The following EIF4G1 variants were observed in gnomAD, a reference collection of about 807,000 sequenced individuals.
The protein encoded by EIF4G1 is eukaryotic translation initiation factor 4 gamma 1.
A neutral mutation model predicts 187.8 loss-of-function variants in EIF4G1; 4 were observed. The observed-to-expected ratio is 0.02, with a 90% confidence interval of 0.01 to 0.05. EIF4G1 has a LOEUF of 0.05. Ranked by LOEUF, EIF4G1 falls within the 10% of genes least tolerant of loss-of-function variation. The pLI is 1.00. For synonymous variants in EIF4G1, 844 were observed against 781.4 expected (o/e 1.08, Z -1.34); for missense variants, 1,647 against 2,081.1 (o/e 0.79, Z 4.06).
Position 184,328,003 on chromosome 3 carries a change from G to GTA in EIF4G1, c.3953+3_3953+4dup. On this transcript the variant is annotated splice_donor_variant, in intron 26 of 32. Coordinates refer to ENST00000346169, the MANE Select transcript of EIF4G1 (RefSeq NM_198241.3). LOFTEE classifies it high-confidence loss of function. The stretch of plus-strand genomic sequence containing the variant: ...TGTCTACTGCTCAGTACTACCAAGG[G>GTA]TATGACCAGCTTCTCTGGGCCTCCC... 1 of 1,604,498 alleles carries GTA rather than the reference G, an allele frequency of 6.2e-7. No individual in the cohort carries two copies. Among genetic ancestry groups the GTA allele is most frequent in the Non-Finnish European group, 8.5e-7 (1 of 1,179,944 alleles).
In EIF4G1 at chr3:184,325,296, A is replaced by G. The variant is rs766132108; in HGVS notation, c.2884A>G (p.Met962Val). ...CCGAATGGATCAGTATTTCAACCAGATGGAAAAAATCATTAAAGAAAAGAA... is the reference window on the plus strand; with the variant it reads ...CCGAATGGATCAGTATTTCAACCAGGTGGAAAAAATCATTAAAGAAAAGAA... Reference protein sequence around the residue: ...KPRMDQYFNQMEKIIKEKKTS... With the variant: ...KPRMDQYFNQVEKIIKEKKTS... Residue 962 changes from methionine (M) to valine (V), a missense_variant, in exon 19 of 33, where the codon ATG becomes GTG. Around this residue, in one of 11 missense-constraint regions of EIF4G1, gnomAD observed 142 missense variants for 296.6 expected, o/e 0.48. Coordinates refer to ENST00000346169, the MANE Select transcript of EIF4G1 (RefSeq NM_198241.3). The surrounding 1 kb of genome is among the most constrained non-coding windows in gnomAD (Gnocchi z 5.2). The G allele has an allele frequency of 3.1e-6, 5 of 1,614,136 alleles. No homozygotes were observed. The highest frequency in any genetic ancestry group is 4.2e-6 in the Non-Finnish European group (5 of 1,180,040).
At chr3:184,316,730 G>T (rs766873342) in intron 4 of EIF4G1, 1 of 1,595,946 alleles carries the variant, frequency 6.3e-7, no homozygotes, top group Non-Finnish European at 8.5e-7. Flanking sequence ...TCAGGTCTCT[G>T]CAGGTAATAT....
chr3:184,321,784 T>C lies in EIF4G1; in HGVS notation c.1200T>C (p.Pro400=). 1.2e-5 allele frequency: 19 copies of C among 1,611,894 alleles called. No homozygotes were observed. The highest frequency in any genetic ancestry group is 1.5e-5 in the Non-Finnish European group (18 of 1,178,242). Residue 400 remains proline (P), a synonymous_variant, in exon 10 of 33, where the codon CCT becomes CCC. Transcript: ENST00000346169. ...TGCCCATTGCTCCAACTGCCCAACC[T>C]GAGGAACTGCTCAACGGAGCCCCCT... ...SPVPIAPTAQ[P]EELLNGAPSP...
chr3:184,325,202 G>T lies in EIF4G1; in HGVS notation c.2857-67G>T. ...AATGATGGGGCGGAAGGCCTGAGGA[G>T]GGGTGGGGCCTGCAGTTATAGGTGG... On this transcript the variant is annotated intron_variant, in intron 18 of 32. Transcript: ENST00000346169. This position sits in a 1 kb window ranked among gnomAD's most constrained non-coding sequence, Gnocchi z 5.2. 6.2e-7 allele frequency: 1 copy of T among 1,605,074 alleles called. No individual in the cohort carries two copies. Among genetic ancestry groups the T allele is most frequent in the Non-Finnish European group, 8.5e-7 (1 of 1,171,920 alleles).
intron 28 of EIF4G1, 40 bp downstream of exon 28, chr3:184,329,030 G>A: frequency 1.2e-6 from 2 of 1,612,166 alleles, no homozygotes; most frequent in East Asian, 2.2e-5. Flanking sequence ...CTCCCACGGT[G>A]TGGTTTTGGC....
rs1397767996 is a variant in EIF4G1 at position 184,334,937 on chromosome 3, C to G, written c.*29C>G. On this transcript the variant is annotated 3_prime_UTR_variant, in exon 33 of 33. Coordinates refer to ENST00000346169, the MANE Select transcript of EIF4G1 (RefSeq NM_198241.3). The surrounding 1 kb of genome is among the most constrained non-coding windows in gnomAD (Gnocchi z 5.8). The stretch of plus-strand genomic sequence containing the variant: ...CTGGTGGGGCCGGGGACCTGGAGCC[C>G]CATGGACACACAGATGGCCCGGCTA... The G allele has an allele frequency of 2.5e-6, 4 of 1,612,958 alleles. No homozygotes were observed. Among genetic ancestry groups the G allele is most frequent in the Non-Finnish European group, 3.4e-6 (4 of 1,179,776 alleles).
chr3:184,319,581 C>A, intron 6 of EIF4G1, 108 bp from the exon 7 acceptor site: 2 of 768,300 alleles, frequency 2.6e-6, no homozygotes, highest in Non-Finnish European at 2.3e-6. Flanking sequence ...AGGCAAGGGG[C>A]CGGCTGTGGG....
intron 6 of EIF4G1, 138 bp from the exon 7 acceptor site, chr3:184,319,551 G>C: frequency 1.4e-6 from 1 of 693,030 alleles, no homozygotes; most frequent in Non-Finnish European, 2.7e-6. Flanking sequence ...TTCCCTGGGG[G>C]AGGAGGGCAG....
intron 7 of EIF4G1, chr3:184,320,220 G>T: frequency 8.4e-7 from 1 of 1,193,268 alleles, no homozygotes; most frequent in Non-Finnish European, 1.1e-6. Context: ...TGCCAGAGCT[G>T]GGGAAGCCGC....
chr3:184,315,086 A>AGGGAGGGCGCAG, intron 1 of EIF4G1: 1 of 312,116 alleles, frequency 3.2e-6, no homozygotes, highest in South Asian at 2.4e-5. Flanking sequence ...CGCGCTGCGC[A>AGGGAGGGCGCAG]GGGAGGGCGC....
Position 184,325,787 on chromosome 3 carries a change from G to T in EIF4G1, c.3122-64G>T, listed in dbSNP as rs1464399015. On this transcript the variant is annotated intron_variant, in intron 20 of 32. Transcript: ENST00000346169. This position sits in a 1 kb window ranked among gnomAD's most constrained non-coding sequence, Gnocchi z 5.2. ...ATCTGAGGAAGGGAGGCTGGGGGTG[G>T]CCCAAGGGGAAGGGGCTGCTAGGAT... The T allele has an allele frequency of 4.3e-6, 7 of 1,612,590 alleles. No homozygotes were observed. Among genetic ancestry groups the T allele is most frequent in the Middle Eastern group, 1.7e-4 (1 of 6,058 alleles).
At position 184,324,251 on chromosome 3, in the gene EIF4G1, G is replaced by A. The variant is rs771043878; in HGVS notation, c.2523G>A (p.Lys841=). 7 of 1,614,132 alleles carry A rather than the reference G, an allele frequency of 4.3e-6. No homozygotes were observed. In the South Asian group the frequency reaches 7.7e-5, roughly 18 times the overall value. Reference sequence around the variant, plus strand: ...CAACAGTGACTGTGAACTTCCGAAAGCTGTTGTTGAATCGATGTCAGAAGG... The same window carrying A: ...CAACAGTGACTGTGAACTTCCGAAAACTGTTGTTGAATCGATGTCAGAAGG... ...EKPTVTVNFR[K]LLLNRCQKEF... The change falls in exon 17 of 33, where the codon AAG becomes AAA. Residue 841 remains lysine, a synonymous_variant. Transcript: ENST00000346169.
chr3:184,330,887 C>T (rs1725945374), intron 28 of EIF4G1, among the ~76,000 whole-genome samples: 1 of 151,956 alleles, frequency 6.6e-6, no homozygotes, highest in Non-Finnish European at 1.5e-5. Context: ...TTACAGGCAC[C>T]CACCACCACG....
intron 6 of EIF4G1, chr3:184,319,349 A>C (rs1055971936): frequency 2.7e-6 from 1 of 373,036 alleles, no homozygotes; most frequent in Non-Finnish European, 5.2e-6. Flanking sequence ...ACACGAGAGT[A>C]ACTTGTACGG....
In EIF4G1 at chr3:184,327,138, A is replaced by G. The variant is rs545953271; in HGVS notation, c.3429-78A>G. 5.9e-5 allele frequency: 93 copies of G among 1,586,560 alleles called. 1 individual carries two copies. The South Asian group carries it at 9.9e-4, about 17-fold the overall frequency. ...CATTATGCTAAGAACAAGGCCCAAC[A>G]GTTGCTCAGCATGTTGTGTAATTAC... On this transcript the variant is annotated intron_variant, in intron 23 of 32. Coordinates refer to ENST00000346169, the MANE Select transcript of EIF4G1 (RefSeq NM_198241.3).
intron 30 of EIF4G1, 45 bp downstream of exon 30, chr3:184,331,651 G>A (rs1328274264): frequency 6.2e-7 from 1 of 1,610,736 alleles, no homozygotes; most frequent in East Asian, 2.2e-5. Flanking sequence ...AGTTCTTAGG[G>A]TGGGGGTGGG....
Position 184,321,076 on chromosome 3 carries a change from T to C in EIF4G1, c.697+83T>C. 1.9e-6 allele frequency: 3 copies of C among 1,547,756 alleles called. No homozygotes were observed. The South Asian group carries it at 3.5e-5, about 18-fold the overall frequency. ...GCTGAGGTGGTGGAGTGACTTGAAC[T>C]GGGTACCAGAGAATGATGACTTAGA... On this transcript the variant is annotated intron_variant, in intron 9 of 32. Transcript: ENST00000346169.
chr3:184,315,416 G>T, intron 1 of EIF4G1, 73 bp from the exon 2 acceptor site: 1 of 544,848 alleles, frequency 1.8e-6, no homozygotes, highest in Non-Finnish European at 3.6e-6. Flanking sequence ...GTGCCAGCGA[G>T]ACCTGGAATT....
rs1254575911 is a variant in EIF4G1, at chr3:184,327,928, T to A, written c.3879T>A (p.Ala1293=). Residue 1293 remains alanine (A), a synonymous_variant, in exon 26 of 33, where the codon GCT becomes GCA. Transcript: ENST00000346169. ...VESTLERSAI[A]REHMGQLLHQ... ...CTACGCTGGAGCGCAGTGCCATTGC[T>A]CGTGAGCATATGGGGCAGCTGCTGC... 1 of 1,612,904 alleles carries A rather than the reference T, an allele frequency of 6.2e-7. No individual in the cohort carries two copies. Among genetic ancestry groups the A allele is most frequent in the Non-Finnish European group, 8.5e-7 (1 of 1,180,034 alleles).
Sources: allele counts gnomAD v4.1 joint callset (sites outside exome capture counted in the v4.1 genomes callset), GRCh38; gene constraint gnomAD v4.1.1; regional missense constraint gnomAD v4.1.1; non-coding constraint Gnocchi (gnomAD v3.1); transcripts MANE v1.5; gene names NCBI Gene and HGNC (gene_info 2026-07-23, HGNC 2026-07-21).